OCA2: variants seen among roughly 807,000 people sequenced by gnomAD.
The protein encoded by OCA2 is P protein.
OCA2 carries 77 observed loss-of-function variants against 100.2 expected under a neutral mutation model. That is an observed-to-expected ratio of 0.77 (90% CI 0.64 to 0.93). The LOEUF is 0.93. OCA2 is among the 40% of genes least tolerant of loss of function. The probability of loss-of-function intolerance (pLI) is 0.00; values close to 1 mark genes in which losing one functional copy is unlikely to be tolerated. For synonymous variants in OCA2, 432 were observed against 439.2 expected, an observed-to-expected ratio of 0.98 and a Z score of 0.21; for missense variants, 1,062 against 1,089.1, an observed-to-expected ratio of 0.98 and a Z score of 0.35.
At chr15:27,831,396 A>G (rs147461921) in intron 23 of OCA2, among the ~76,000 whole-genome samples, 36 of 152,070 alleles carry the variant, frequency 2.4e-4, no homozygotes, top group African/African-American at 8.7e-4. Context: ...GGAAATTTCC[A>G]GGGAACACAG....
intron 19 of OCA2, among the ~76,000 whole-genome samples, chr15:27,872,532 C>G (rs929612414): frequency 2.0e-5 from 3 of 152,088 alleles, no homozygotes; most frequent in Non-Finnish European, 2.9e-5. Context: ...GGCTCACGAC[C>G]GAGCCACTGT....
intron 15 of OCA2, among the ~76,000 whole-genome samples, chr15:27,961,513 A>G (rs1343542470): frequency 6.6e-6 from 1 of 152,252 alleles, no homozygotes; most frequent in African/African-American, 2.4e-5. Flanking sequence ...TGCTTATTGC[A>G]GCACTGTTCA....
At chr15:27,885,088 C>A (rs530320929) in intron 19 of OCA2, among the ~76,000 whole-genome samples, 1 of 152,128 alleles carries the variant, frequency 6.6e-6, no homozygotes. Flanking sequence ...ATAAAAGCTA[C>A]ATGACTTATG....
intron 2 of OCA2, among the ~76,000 whole-genome samples, chr15:28,051,812 G>A: frequency 6.6e-6 from 1 of 151,818 alleles, no homozygotes; most frequent in South Asian, 2.1e-4. Flanking sequence ...TGGTTGATTG[G>A]GTCAGATTTC....
At chr15:27,897,803 C>G (rs1335307579) in intron 19 of OCA2, among the ~76,000 whole-genome samples, 1 of 152,162 alleles carries the variant, frequency 6.6e-6, no homozygotes. Context: ...CGCAGACACT[C>G]AACACTCAAC....
At chr15:27,797,823 G>A (rs563482772) in intron 23 of OCA2, among the ~76,000 whole-genome samples, 2 of 152,170 alleles carry the variant, frequency 1.3e-5, no homozygotes, top group Non-Finnish European at 2.9e-5. Context: ...CACCCTGGGG[G>A]CTCCATGTTT....
chr15:27,895,919 A>G (rs2037668945), intron 19 of OCA2: 5 of 633,256 alleles, frequency 7.9e-6, no homozygotes, highest in African/African-American at 1.8e-5. Flanking sequence ...AGAAGGGGAT[A>G]TGATAGTACG....
At chr15:27,854,960 G>A (rs2151427286) in intron 21 of OCA2, among the ~76,000 whole-genome samples, 1 of 152,304 alleles carries the variant, frequency 6.6e-6, no homozygotes, top group Middle Eastern at 3.4e-3. Context: ...ATTCCAGCAA[G>A]TGCTCCTGTG....
intron 1 of OCA2, chr15:28,099,007 AG>A (rs2045036076): frequency 6.5e-6 from 1 of 154,068 alleles, no homozygotes; most frequent in Non-Finnish European, 1.4e-5. Context: ...AGAGAGCCGG[AG>A]GGGGTGCTCA....
intron 19 of OCA2, among the ~76,000 whole-genome samples, chr15:27,924,431 A>G (rs1386133813): frequency 1.3e-5 from 2 of 152,148 alleles, no homozygotes; most frequent in Non-Finnish European, 2.9e-5. Context: ...CTCTTAATAT[A>G]AAATACATTG....
At chr15:28,083,035 G>C (rs977582829) in intron 1 of OCA2, among the ~76,000 whole-genome samples, 5 of 152,232 alleles carry the variant, frequency 3.3e-5, no homozygotes, top group Non-Finnish European at 5.9e-5. Flanking sequence ...GACTGACTGT[G>C]CACTTTGGCC....
the OCA2 span, among the ~76,000 whole-genome samples, chr15:27,729,914 A>G: frequency 1.3e-5 from 2 of 152,338 alleles, no homozygotes; most frequent in South Asian, 2.1e-4. Flanking sequence ...TGTACTCGTG[A>G]CATTTCTGGC....
chr15:28,018,667 C>G, intron 6 of OCA2, 110 bp from the exon 7 acceptor site: 1 of 1,026,712 alleles, frequency 9.7e-7, no homozygotes, highest in Non-Finnish European at 1.5e-6. Flanking sequence ...TGCGTTTCCC[C>G]AGGTGCCCCA....
intron 2 of OCA2, among the ~76,000 whole-genome samples, chr15:28,055,843 AC>A (rs1224224917): frequency 6.6e-6 from 1 of 151,986 alleles, no homozygotes; most frequent in East Asian, 1.9e-4. Context: ...GAAGCTGGGA[AC>A]CCCAGCTGAC....
At chr15:27,781,751 A>G (rs1375440677) in intron 23 of OCA2, among the ~76,000 whole-genome samples, 1 of 152,230 alleles carries the variant, frequency 6.6e-6, no homozygotes, top group Non-Finnish European at 1.5e-5. Context: ...GAGTAAAGCC[A>G]TATTAGAGTA....
chr15:28,002,375 G>A (rs918661395), intron 9 of OCA2, among the ~76,000 whole-genome samples: 9 of 152,118 alleles, frequency 5.9e-5, no homozygotes, highest in African/African-American at 1.2e-4. Context: ...GGCCTGCTCC[G>A]CCTGCTTCCT....
Position 27,985,127 on chromosome 15 carries a change from G to T in OCA2, c.1301C>A (p.Ala434Asp). The change falls in exon 13 of 24, where the codon GCC becomes GAC. Residue 434 changes from alanine to aspartate, a missense_variant. Physicochemically the swap from Ala to Asp is moderately radical, Grantham distance 126. Coordinates refer to ENST00000354638, the MANE Select transcript of OCA2 (RefSeq NM_000275.3). Reference sequence around the variant, plus strand: ...GTTGTCCAAGAAGGCAGAGAGGACGGCCGCGATGAGACAGAGCATGATGAT... The same window carrying T: ...GTTGTCCAAGAAGGCAGAGAGGACGTCCGCGATGAGACAGAGCATGATGAT... ...AMIIMLCLIA[A>D]VLSAFLDNVT... 6.2e-7 allele frequency: 1 copy of T among 1,614,014 alleles called. No individual in the cohort carries two copies. The highest frequency in any genetic ancestry group is 8.5e-7 in the Non-Finnish European group (1 of 1,179,982).
chr15:28,056,350 T>A (rs960643479), intron 2 of OCA2, among the ~76,000 whole-genome samples: 1 of 152,238 alleles, frequency 6.6e-6, no homozygotes, highest in African/African-American at 2.4e-5. Flanking sequence ...TACCACTGGC[T>A]GGATGGGAGA....
intron 18 of OCA2, among the ~76,000 whole-genome samples, chr15:27,935,003 G>T (rs144935754): frequency 2.0e-5 from 3 of 152,056 alleles, no homozygotes; most frequent in Non-Finnish European, 4.4e-5. Context: ...CTGCAGCCCC[G>T]GTCCCTGTGA....
Sources: gnomAD v4.1 joint callset for allele counts (sites outside exome capture counted in the v4.1 genomes callset) on GRCh38, gnomAD v4.1.1 for gene constraint, MANE v1.5 for transcripts, NCBI Gene and HGNC (gene_info 2026-07-23, HGNC 2026-07-21) for gene names.